The following CPQ variants were observed in gnomAD, a reference collection of about 807,000 sequenced individuals.
CPQ encodes Ser-Met dipeptidase.
In CPQ, 37 loss-of-function variants were observed where a neutral mutation model predicts 45.7. The ratio of observed to expected loss-of-function variants is 0.81; its 90% CI spans 0.62 to 1.07. The LOEUF is 1.07. Among genes scored for constraint, CPQ ranks in the 50% least tolerant of loss-of-function variants. CPQ has a pLI of 0.00. For synonymous variants in CPQ, 186 were observed against 205.8 expected, an observed-to-expected ratio of 0.90 and a Z score of 0.82; for missense variants, 537 against 572.9, an observed-to-expected ratio of 0.94 and a Z score of 0.64.
rs150677130 is a variant in CPQ at position 96,806,243 on chromosome 8, T to C, written c.433+20913T>C. Among the ~76,000 whole-genome samples, 534 of 152,252 alleles carry C rather than the reference T, an allele frequency of 3.5e-3. 2 individuals are homozygous for C. The highest frequency in any genetic ancestry group is 0.012 in the African/African-American group (504 of 41,508). On this transcript the variant is annotated intron_variant, in intron 2 of 7. Coordinates refer to ENST00000220763, the MANE Select transcript of CPQ (RefSeq NM_016134.4). ...TCACACTACTCCCTTCCTCAACTTA[T>C]TTATTTATTGGAAAATATAATAAAA...
intron 1 of CPQ, among the ~76,000 whole-genome samples, chr8:96,729,695 G>C (rs1482962593): frequency 6.6e-6 from 1 of 151,980 alleles, no homozygotes; most frequent in Admixed American, 6.6e-5. Context: ...CTGCATAACT[G>C]TAATACTATT....
intron 5 of CPQ, among the ~76,000 whole-genome samples, chr8:96,988,443 A>G (rs1305806760): frequency 6.6e-6 from 1 of 152,124 alleles, no homozygotes; most frequent in Non-Finnish European, 1.5e-5. Flanking sequence ...AAAATGTACT[A>G]TTTGTAAGCA....
intron 4 of CPQ, among the ~76,000 whole-genome samples, chr8:96,907,557 A>T (rs1275526079): frequency 6.6e-6 from 1 of 152,192 alleles, no homozygotes; most frequent in Non-Finnish European, 1.5e-5. Context: ...AGTCTCTGCC[A>T]TGGGAAGGTA....
intron 1 of CPQ, among the ~76,000 whole-genome samples, chr8:96,657,112 C>T (rs112225939): frequency 9.2e-4 from 139 of 151,878 alleles, no homozygotes; most frequent in Admixed American, 4.2e-3. Flanking sequence ...TTTGGGAGGC[C>T]GAGGTGGGTG....
rs183104176 is a variant in CPQ, at chr8:96,876,422, A to T, written c.642-3376A>T. Among the ~76,000 whole-genome samples the T allele has an allele frequency of 4.6e-3, 702 of 152,188 alleles. 8 individuals carry two copies. Among genetic ancestry groups the T allele is most frequent in the African/African-American group, 0.015 (635 of 41,574 alleles). Reference sequence around the variant, plus strand: ...TCTTTTCCAATATGGAATTTAAAAAATTTTTTTATTATTTGATTCCTCTGG... The same window carrying T: ...TCTTTTCCAATATGGAATTTAAAAATTTTTTTTATTATTTGATTCCTCTGG... On this transcript the variant is annotated intron_variant, in intron 3 of 7. Transcript: ENST00000220763.
At chr8:96,914,026 G>A (rs1352822608) in intron 4 of CPQ, among the ~76,000 whole-genome samples, 4 of 151,970 alleles carry the variant, frequency 2.6e-5, no homozygotes, top group Non-Finnish European at 5.9e-5. Context: ...GGTAAGTTGA[G>A]ATATGTAGAC....
intron 2 of CPQ, among the ~76,000 whole-genome samples, chr8:96,809,656 TGTG>T (rs1811133545): frequency 6.6e-6 from 1 of 152,118 alleles, no homozygotes; most frequent in Non-Finnish European, 1.5e-5. Context: ...ATCTCTTGAT[TGTG>T]GTGGTGGTTA....
At chr8:97,118,492 A>G (rs1811634460) in intron 7 of CPQ, among the ~76,000 whole-genome samples, 1 of 152,214 alleles carries the variant, frequency 6.6e-6, no homozygotes. Context: ...ACTTCATTAC[A>G]ACAATGTTGT....
chr8:97,098,396 C>T (rs1811244666), intron 7 of CPQ, among the ~76,000 whole-genome samples: 1 of 152,110 alleles, frequency 6.6e-6, no homozygotes, highest in South Asian at 2.1e-4. Context: ...TGCTTTTCCC[C>T]CTCCCAAACT....
At chr8:97,081,952 T>C (rs1810957512) in intron 7 of CPQ, among the ~76,000 whole-genome samples, 1 of 152,148 alleles carries the variant, frequency 6.6e-6, no homozygotes, top group Non-Finnish European at 1.5e-5. Flanking sequence ...AAAAATAAGA[T>C]GGTCAAAGTG....
At chr8:96,931,008 G>A (rs1812967601) in intron 4 of CPQ, among the ~76,000 whole-genome samples, 1 of 152,188 alleles carries the variant, frequency 6.6e-6, no homozygotes, top group Non-Finnish European at 1.5e-5. Flanking sequence ...AAACTCAAGA[G>A]TGTTCTTCCC....
At chr8:96,682,337 CTGA>C (rs1809163219) in intron 1 of CPQ, among the ~76,000 whole-genome samples, 1 of 152,134 alleles carries the variant, frequency 6.6e-6, no homozygotes, top group Non-Finnish European at 1.5e-5. Flanking sequence ...TGAGTAAGAT[CTGA>C]TGGTTTTAAA....
At chr8:96,889,580 A>G (rs1176135371) in intron 4 of CPQ, among the ~76,000 whole-genome samples, 1 of 152,188 alleles carries the variant, frequency 6.6e-6, no homozygotes, top group African/African-American at 2.4e-5. Context: ...GTCCCATGAT[A>G]GGCAATCTGC....
chr8:96,747,963 C>G (rs559381311), intron 1 of CPQ, among the ~76,000 whole-genome samples: 1 of 152,310 alleles, frequency 6.6e-6, no homozygotes, highest in Non-Finnish European at 1.5e-5. Flanking sequence ...CAAAGACAGA[C>G]AGCAATTACG....
intron 2 of CPQ, among the ~76,000 whole-genome samples, chr8:96,797,738 G>A (rs982814189): frequency 5.3e-5 from 8 of 151,982 alleles, no homozygotes; most frequent in Non-Finnish European, 7.4e-5. Flanking sequence ...GCAACGTAGT[G>A]AAACTCCCTC....
chr8:97,110,296 T>C (rs949023462), intron 7 of CPQ, among the ~76,000 whole-genome samples: 3 of 152,224 alleles, frequency 2.0e-5, no homozygotes, highest in Non-Finnish European at 2.9e-5. Context: ...CATTTATCAA[T>C]AATTCATTCT....
intron 7 of CPQ, among the ~76,000 whole-genome samples, chr8:97,091,550 T>G (rs1011611785): frequency 2.0e-5 from 3 of 152,134 alleles, no homozygotes; most frequent in African/African-American, 7.2e-5. Flanking sequence ...ATAAAATCAG[T>G]TTTAGGGCAG....
At chr8:96,757,445 A>C (rs1810342278) in intron 1 of CPQ, among the ~76,000 whole-genome samples, 1 of 150,682 alleles carries the variant, frequency 6.6e-6, no homozygotes, top group Non-Finnish European at 1.5e-5. Context: ...GTCTTTCAGC[A>C]TTGACTGTTC....
chr8:96,845,776 G>A (rs1345104958), intron 3 of CPQ, among the ~76,000 whole-genome samples: 2 of 151,966 alleles, frequency 1.3e-5, no homozygotes, highest in Non-Finnish European at 2.9e-5. Context: ...TATGGCCATA[G>A]ATGTGACTCA....
Sources: gnomAD v4.1 joint callset for allele counts (sites outside exome capture counted in the v4.1 genomes callset) on GRCh38, gnomAD v4.1.1 for gene constraint, MANE v1.5 for transcripts, NCBI Gene and HGNC (gene_info 2026-07-23, HGNC 2026-07-21) for gene names.